CDC14B: variants seen among roughly 807,000 people sequenced by gnomAD.
CDC14B encodes cell division cycle 14B.
CDC14B carries 22 observed loss-of-function variants against 64.2 expected under a neutral mutation model. The observed-to-expected ratio is 0.34, with a 90% CI of 0.24 to 0.49. CDC14B has a LOEUF of 0.49. Ranked by LOEUF, CDC14B falls within the 20% of genes least tolerant of loss-of-function variation. CDC14B has a pLI of 0.99. For missense variants in CDC14B, 498 were observed against 629.9 expected (o/e 0.79, Z 2.24); for synonymous variants, 191 against 215.8 (o/e 0.89, Z 1.01).
In CDC14B at chr9:96,533,992, G is replaced by C; in HGVS notation, c.881C>G (p.Ala294Gly). 6.2e-7 allele frequency: 1 copy of C among 1,612,976 alleles called. No homozygotes were observed. The highest frequency in any genetic ancestry group is 8.5e-7 in the Non-Finnish European group (1 of 1,179,416). ...GATATCTAGGAATTCTTTGACAATG[G>C]CATCAGTAGGGGTGCTGCCATCCGC... is the stretch of plus-strand genomic sequence containing the variant. ...FFADGSTPTD[A>G]IVKEFLDICE... The change falls in exon 9 of 14, where the codon GCC becomes GGC. Residue 294 changes from alanine to glycine, a missense_variant. By Grantham distance (60) the Ala-to-Gly change is moderately conservative. Transcript: ENST00000375241.
intron 13 of CDC14B, among the ~76,000 whole-genome samples, chr9:96,504,360 C>T (rs956260617): frequency 7.2e-5 from 11 of 152,098 alleles, no homozygotes; most frequent in African/African-American, 9.7e-5. Context: ...CCCCAGTTCA[C>T]GACGCTACAC....
chr9:96,555,168 C>T (rs573346224), intron 4 of CDC14B, among the ~76,000 whole-genome samples: 4 of 152,302 alleles, frequency 2.6e-5, no homozygotes, highest in Admixed American at 6.5e-5. Flanking sequence ...TCCCCTCCCA[C>T]GGTGAACAGG....
chr9:96,511,743 T>G (rs755122062), intron 12 of CDC14B, among the ~76,000 whole-genome samples: 3 of 152,210 alleles, frequency 2.0e-5, no homozygotes, highest in Non-Finnish European at 4.4e-5. Flanking sequence ...CAGCCAATGT[T>G]TGGTTCAGAA....
intron 1 of CDC14B, among the ~76,000 whole-genome samples, chr9:96,583,750 G>A (rs1023938269): frequency 3.4e-5 from 5 of 147,938 alleles, no homozygotes; most frequent in African/African-American, 5.0e-5. Flanking sequence ...ACGGAGTCTC[G>A]CTCTGTCGCC....
intron 12 of CDC14B, among the ~76,000 whole-genome samples, chr9:96,518,932 C>G (rs1267642891): frequency 2.6e-5 from 4 of 151,894 alleles, no homozygotes; most frequent in African/African-American, 7.3e-5. Flanking sequence ...GTCAGGAGAT[C>G]GAGACCATCC....
chr9:96,546,151 C>A (rs1381896031), intron 5 of CDC14B, among the ~76,000 whole-genome samples: 3 of 152,066 alleles, frequency 2.0e-5, no homozygotes, highest in Non-Finnish European at 4.4e-5. Context: ...ACGAATGACC[C>A]AAATATCCAT....
intron 12 of CDC14B, among the ~76,000 whole-genome samples, chr9:96,511,400 G>T (rs566641027): frequency 6.6e-6 from 1 of 152,228 alleles, no homozygotes; most frequent in African/African-American, 2.4e-5. Context: ...GTGAAACCCC[G>T]TCTCTACTAA....
At chr9:96,588,766 A>C (rs1310575445) in intron 1 of CDC14B, among the ~76,000 whole-genome samples, 4 of 152,194 alleles carry the variant, frequency 2.6e-5, no homozygotes, top group Non-Finnish European at 2.9e-5. Flanking sequence ...GAGCCATTGC[A>C]CCCAGCCAAA....
intron 1 of CDC14B, among the ~76,000 whole-genome samples, chr9:96,603,656 A>G (rs1364773135): frequency 6.6e-6 from 1 of 152,206 alleles, no homozygotes; most frequent in Non-Finnish European, 1.5e-5. Context: ...TTGAATCTTG[A>G]TCCCATGTGA....
At chr9:96,583,370 T>TTTTTTTTTA (rs1554775481) in intron 1 of CDC14B, among the ~76,000 whole-genome samples, 3 of 139,104 alleles carry the variant, frequency 2.2e-5, no homozygotes, top group African/African-American at 8.0e-5. Context: ...GTTGTATTTA[T>TTTTTTTTTA]TTATTATTAT....
At chr9:96,535,796 G>A (rs532429299) in intron 7 of CDC14B, among the ~76,000 whole-genome samples, 7 of 152,136 alleles carry the variant, frequency 4.6e-5, no homozygotes, top group African/African-American at 9.6e-5. Flanking sequence ...CTAAACAGCC[G>A]GGTGCAGTGG....
In CDC14B at chr9:96,583,940, G is replaced by C. The variant is rs1417915938; in HGVS notation, c.161-18457C>G. On this transcript the variant is annotated intron_variant, in intron 1 of 13. Transcript: ENST00000375241. ...TCAGCATGTTAGCCAGGATGGTCTCGATCTCCTGACCTCGTGATCCGCCTG... is the reference window on the plus strand; with the variant it reads ...TCAGCATGTTAGCCAGGATGGTCTCCATCTCCTGACCTCGTGATCCGCCTG... 1.3e-5 allele frequency among the ~76,000 whole-genome samples: 2 copies of C among 151,772 alleles called. 1 individual carries two copies. The highest frequency in any genetic ancestry group is 3.9e-4 in the East Asian group (2 of 5,130).
downstream of CDC14B, among the ~76,000 whole-genome samples, chr9:96,497,238 C>A (rs1833289707): frequency 6.6e-6 from 1 of 152,148 alleles, no homozygotes; most frequent in South Asian, 2.1e-4. Context: ...CGTCCAGAAG[C>A]GTGTCAAAGC....
chr9:96,562,553 T>C lies in CDC14B; in HGVS notation c.420+140A>G. 3 of 660,424 alleles carry C rather than the reference T, an allele frequency of 4.5e-6. No individual in the cohort carries two copies. In the Admixed American group the frequency reaches 7.6e-5, roughly 17 times the overall value. 40.9% of individuals were successfully genotyped at this position (660,424 alleles called of 1,614,324 possible). A position where few individuals can be genotyped will look rare whatever the true frequency, so the allele number is the denominator to read the frequency against. ...CCACATAAGCACAGCTTCCTTGAAT[T>C]GGTCAATTTTTTAAAAGCAAAACAC... On this transcript the variant is annotated intron_variant, in intron 4 of 13. Coordinates refer to ENST00000375241, the MANE Select transcript of CDC14B (RefSeq NM_033331.4).
chr9:96,558,878 A>G (rs1207543076), intron 4 of CDC14B, among the ~76,000 whole-genome samples: 1 of 152,162 alleles, frequency 6.6e-6, no homozygotes, highest in African/African-American at 2.4e-5. Flanking sequence ...ATATTTTTCA[A>G]CTCTTACAGT....
chr9:96,614,531 C>T (rs1409487859), intron 1 of CDC14B, among the ~76,000 whole-genome samples: 3 of 152,114 alleles, frequency 2.0e-5, no homozygotes, highest in African/African-American at 4.8e-5. Context: ...CAAAGCTCTG[C>T]AACAACTATT....
At chr9:96,607,389 T>C (rs1472463923) in intron 1 of CDC14B, among the ~76,000 whole-genome samples, 1 of 151,236 alleles carries the variant, frequency 6.6e-6, no homozygotes, top group African/African-American at 2.4e-5. Context: ...AAAGCTGTTA[T>C]TCACTTCAGG....
chr9:96,567,048 G>T, intron 1 of CDC14B: 1 of 1,166,806 alleles, frequency 8.6e-7, no homozygotes, highest in Non-Finnish European at 1.1e-6. Flanking sequence ...GGGACGGACA[G>T]CACCCCGCCC....
intron 1 of CDC14B, among the ~76,000 whole-genome samples, chr9:96,611,450 C>A (rs1056142798): frequency 1.3e-5 from 2 of 152,124 alleles, no homozygotes; most frequent in African/African-American, 4.8e-5. Flanking sequence ...CTAGATGAGG[C>A]GTGGCTTTGA....
Sources: allele counts gnomAD v4.1 joint callset (sites outside exome capture counted in the v4.1 genomes callset), GRCh38; gene constraint gnomAD v4.1.1; transcripts MANE v1.5; gene names NCBI Gene and HGNC (gene_info 2026-07-23, HGNC 2026-07-21).